Variants in PLEKHG5 observed in about 807,000 individuals in gnomAD.
PLEKHG5 encodes pleckstrin homology domain-containing family G member 5.
PLEKHG5 carries 52 observed loss-of-function variants against 103.8 expected under a neutral mutation model. The ratio of observed to expected loss-of-function variants is 0.50; its 90% CI spans 0.40 to 0.63. The LOEUF (loss-of-function observed/expected upper bound fraction) is 0.63. PLEKHG5 is among the 30% of genes least tolerant of loss of function. The pLI is 0.00. For synonymous variants in PLEKHG5, 592 were observed against 575.5 expected, an observed-to-expected ratio of 1.03 and a Z score of -0.41; for missense variants, 1,205 against 1,347.6, an observed-to-expected ratio of 0.89 and a Z score of 1.66.
At chr1:6,491,897 C>A (rs1386235816), upstream of PLEKHG5, among the ~76,000 whole-genome samples, 4 of 152,236 alleles carry the variant, frequency 2.6e-5, no homozygotes, top group Admixed American at 1.3e-4. The surrounding 1 kb of genome is among the most constrained non-coding windows in gnomAD (Gnocchi z 4.1). Context: ...TCGGGGATAG[C>A]TCCAGCTGCT....
rs763527367 is a variant in PLEKHG5, at chr1:6,472,640, T to G, written c.985-18A>C. 1 of 1,592,316 alleles carries G rather than the reference T, an allele frequency of 6.3e-7. No individual in the cohort carries two copies. Among genetic ancestry groups the G allele is most frequent in the South Asian group, 1.1e-5 (1 of 89,806 alleles). The stretch of plus-strand genomic sequence containing the variant: ...GTCAGCTTCTAGAGGGAGGGCAGGA[T>G]GGGTCATTCACGAGGCCTGGAGCAC... On this transcript the variant is annotated intron_variant, in intron 9 of 20. Transcript: ENST00000377728.
Position 6,473,332 on chromosome 1 carries a change from A to C in PLEKHG5, c.714T>G (p.Thr238=). The C allele has an allele frequency of 6.4e-7, 1 of 1,559,796 alleles. No homozygotes were observed. Among genetic ancestry groups the C allele is most frequent in the Non-Finnish European group, 8.7e-7 (1 of 1,152,908 alleles). ...LPSGSSGSTN[T]GDSWKNRAAS... ...CCGCCCGGTTCTTCCAGCTGTCGCC[A>C]GTGTTGGTGCTGCCACTGCTGCCGC... Residue 238 remains threonine (T), a synonymous_variant, in exon 8 of 21, where the codon ACT becomes ACG. Transcript: ENST00000377728.
At chr1:6,478,897 G>A (rs576375562) in intron 1 of PLEKHG5, among the ~76,000 whole-genome samples, 3 of 152,282 alleles carry the variant, frequency 2.0e-5, no homozygotes, top group Admixed American at 6.5e-5. Context: ...GCCTGCCTCG[G>A]CCTCCCAAAG....
intron 1 of PLEKHG5, chr1:6,519,326 G>A (rs773488341): frequency 4.8e-6 from 4 of 825,346 alleles, no homozygotes; most frequent in East Asian, 2.4e-5. Context: ...CTCTTAAACC[G>A]TCCGGACTAA....
chr1:6,514,654 G>C (rs1194812010), intron 1 of PLEKHG5, among the ~76,000 whole-genome samples: 8 of 151,334 alleles, frequency 5.3e-5, no homozygotes, highest in Admixed American at 4.6e-4. Flanking sequence ...CCAGGTACTC[G>C]GGAGGCTGAG....
At chr1:6,516,348 A>G (rs1263453976) in intron 1 of PLEKHG5, among the ~76,000 whole-genome samples, 1 of 152,210 alleles carries the variant, frequency 6.6e-6, no homozygotes, top group Non-Finnish European at 1.5e-5. Context: ...ATCCATGTAT[A>G]TCGTGAAGCC....
intron 10 of PLEKHG5, 90 bp from the exon 11 acceptor site, chr1:6,471,898 C>A (rs1261965354): frequency 7.6e-7 from 1 of 1,317,048 alleles, no homozygotes; most frequent in African/African-American, 1.5e-5. Flanking sequence ...GCCACTCCTT[C>A]CCCTTCCCCG....
At chr1:6,469,762 G>C in intron 16 of PLEKHG5, 86 bp from the exon 17 acceptor site, 1 of 1,377,448 alleles carries the variant, frequency 7.3e-7, no homozygotes, top group South Asian at 1.3e-5. Flanking sequence ...GGGAGCACTC[G>C]GTTTTTGTCA....
intron 1 of PLEKHG5, among the ~76,000 whole-genome samples, chr1:6,516,854 GTGTATATA>G (rs1384437133): frequency 8.8e-4 from 39 of 44,290 alleles, no homozygotes; most frequent in African/African-American, 1.8e-3. Context: ...ATATATGTGT[GTGTATATA>G]TGTGTATATA....
At chr1:6,471,258 C>A in intron 12 of PLEKHG5, 158 bp from the exon 13 acceptor site, 1 of 797,544 alleles carries the variant, frequency 1.3e-6, no homozygotes, top group South Asian at 1.5e-5. Context: ...GGAAACTGAG[C>A]CTCAGCCAAA....
At chr1:6,513,597 G>A (rs1638534764) in intron 1 of PLEKHG5, among the ~76,000 whole-genome samples, 1 of 152,186 alleles carries the variant, frequency 6.6e-6, no homozygotes, top group Non-Finnish European at 1.5e-5. Flanking sequence ...TTTTAAACCT[G>A]GCCAGACAAA....
rs552962139 is a variant in PLEKHG5, at chr1:6,486,780, G to A, written c.-88+4857C>T. 2.5e-4 allele frequency among the ~76,000 whole-genome samples: 38 copies of A among 152,354 alleles called. 1 individual carries two copies. In the South Asian group the frequency reaches 6.8e-3, roughly 27 times the overall value. On this transcript the variant is annotated intron_variant, in intron 1 of 20. Transcript: ENST00000377728. This position sits in a 1 kb window ranked among gnomAD's most constrained non-coding sequence, Gnocchi z 5.3. ...AGGCACCATTAGCCCCATTCACGGCGTGGGGGATAAAGTGACATAAAGAGA... is the reference window on the plus strand; with the variant it reads ...AGGCACCATTAGCCCCATTCACGGCATGGGGGATAAAGTGACATAAAGAGA...
rs1645052065 is a variant in PLEKHG5 at position 6,486,977 on chromosome 1, GA to G, written c.-88+4659del. On this transcript the variant is annotated intron_variant, in intron 1 of 20. Coordinates refer to ENST00000377728, the MANE Select transcript of PLEKHG5 (RefSeq NM_020631.6). This position sits in a 1 kb window ranked among gnomAD's most constrained non-coding sequence, Gnocchi z 5.3. Reference sequence around the variant, plus strand: ...CTGGTTCCATGGGGAAAGAGGGTGGGAAGGGGGCCAGGGTCCGTGAGATGGC... The same window carrying G: ...CTGGTTCCATGGGGAAAGAGGGTGGGAGGGGGCCAGGGTCCGTGAGATGGC... Among the ~76,000 whole-genome samples the G allele has an allele frequency of 6.6e-6, 1 of 152,148 alleles. No individual in the cohort carries two copies. Among genetic ancestry groups the G allele is most frequent in the Admixed American group, 6.5e-5 (1 of 15,272 alleles).
At position 6,489,299 on chromosome 1, in the gene PLEKHG5, C is replaced by T. The variant is rs11805945; in HGVS notation, c.-88+2338G>A. ...TCTACGCTCCACCCGGCCTACCCACCCTCCTTTCCCCTAGGCCCAGGCCTC... is the reference window on the plus strand; with the variant it reads ...TCTACGCTCCACCCGGCCTACCCACTCTCCTTTCCCCTAGGCCCAGGCCTC... On this transcript the variant is annotated intron_variant, in intron 1 of 20. Coordinates refer to ENST00000377728, the MANE Select transcript of PLEKHG5 (RefSeq NM_020631.6). Among the ~76,000 whole-genome samples, 1,215 of 152,334 alleles carry T rather than the reference C, an allele frequency of 8.0e-3. 22 individuals are homozygous for T. The highest frequency in any genetic ancestry group is 0.028 in the African/African-American group (1,144 of 41,572).
intron 2 of PLEKHG5, among the ~76,000 whole-genome samples, chr1:6,476,729 G>C (rs1644773499): frequency 1.3e-5 from 2 of 152,152 alleles, no homozygotes; most frequent in African/African-American, 4.8e-5. Flanking sequence ...TTCCCAAGGG[G>C]CCCTGGCAGT....
At chr1:6,507,714 G>A (rs1284831818) in intron 1 of PLEKHG5, among the ~76,000 whole-genome samples, 1 of 152,242 alleles carries the variant, frequency 6.6e-6, no homozygotes, top group African/African-American at 2.4e-5. Flanking sequence ...TGAGGGCTAA[G>A]GTGCCAAGAG....
chr1:6,498,683 G>C (rs1645262243), upstream of PLEKHG5, among the ~76,000 whole-genome samples: 1 of 152,140 alleles, frequency 6.6e-6, no homozygotes, highest in Admixed American at 6.5e-5. Context: ...CCTCCAGGCT[G>C]AGAGGGAAGC....
intron 1 of PLEKHG5, chr1:6,519,302 C>T (rs373673537): frequency 2.5e-5 from 18 of 731,472 alleles, no homozygotes; most frequent in South Asian, 1.6e-4. Context: ...CAAATGGATC[C>T]AGCCTGCAAG....
intron 1 of PLEKHG5, among the ~76,000 whole-genome samples, chr1:6,489,915 T>C (rs1645115304): frequency 6.6e-6 from 1 of 152,162 alleles, no homozygotes; most frequent in South Asian, 2.1e-4. Context: ...GGGGACCTCT[T>C]GGCCTCCATT....
Sources: allele counts gnomAD v4.1 joint callset (sites outside exome capture counted in the v4.1 genomes callset), GRCh38; gene constraint gnomAD v4.1.1; non-coding constraint Gnocchi (gnomAD v3.1); transcripts MANE v1.5; gene names NCBI Gene and HGNC (gene_info 2026-07-23, HGNC 2026-07-21).